The following CASK variants were observed in gnomAD, a reference collection of about 807,000 sequenced individuals.
CASK encodes the protein peripheral plasma membrane protein CASK.
Under a neutral mutation model 82.9 loss-of-function variants are expected in CASK, and 4 were observed. The ratio of observed to expected loss-of-function variants is 0.05; its 90% confidence interval spans 0.02 to 0.11. The LOEUF is 0.11. CASK is among the 10% of genes least tolerant of loss of function. The probability of loss-of-function intolerance (pLI) is 1.00; values close to 1 mark genes in which losing one functional copy is unlikely to be tolerated. For missense variants in CASK, 358 were observed against 720.9 expected (o/e 0.50, Z 5.76); for synonymous variants, 259 against 253.5 (o/e 1.02, Z -0.20).
chrX:41,826,330 T>C (rs2070664180), intron 2 of CASK, among the ~76,000 whole-genome samples: 1 of 112,102 alleles, frequency 8.9e-6, no homozygotes, highest in East Asian at 2.8e-4. Context: ...AATATATTCT[T>C]AGACATTAAT....
chrX:41,688,179 C>CAA, intron 5 of CASK, among the ~76,000 whole-genome samples: 1 of 110,321 alleles, frequency 9.1e-6, no homozygotes, highest in Middle Eastern at 4.7e-3. Context: ...TTATAACAAA[C>CAA]AAAAAGCTCT....
intron 17 of CASK, among the ~76,000 whole-genome samples, 187 bp from the exon 18 acceptor site, chrX:41,560,034 G>A (rs1205759833): frequency 8.9e-6 from 1 of 111,916 alleles, no homozygotes; most frequent in Admixed American, 9.4e-5. Context: ...AAGTTCCTGG[G>A]AAAAGCCCAG....
At chrX:41,602,317 A>AT (rs775207602) in intron 12 of CASK, among the ~76,000 whole-genome samples, 6 of 110,696 alleles carry the variant, frequency 5.4e-5, no homozygotes, top group Non-Finnish European at 9.5e-5. Context: ...CAAATCCTAC[A>AT]TTTTTTTTGT....
At chrX:41,916,480 C>A (rs2072692096) in intron 1 of CASK, among the ~76,000 whole-genome samples, 1 of 111,646 alleles carries the variant, frequency 9.0e-6, no homozygotes, top group South Asian at 3.7e-4. Context: ...CTTCTAGAAT[C>A]TTCACTGTCA....
chrX:41,608,317 T>C (rs755996354), intron 12 of CASK, among the ~76,000 whole-genome samples: 1 of 112,363 alleles, frequency 8.9e-6, no homozygotes, highest in African/African-American at 3.2e-5. Context: ...GACTAAAGAA[T>C]GTAGCATTTC....
Position 41,632,656 on chromosome X carries a change from T to C in CASK, c.915+3922A>G, listed in dbSNP as rs2066488813. On this transcript the variant is annotated intron_variant, in intron 9 of 26. Transcript: ENST00000378163. ...TGGATAGTACAGCTTTATACAGTAT[T>C]AGAAAATGGCACTCCTAAACAAACC... is the stretch of plus-strand genomic sequence containing the variant. Among the ~76,000 whole-genome samples, 3 of 112,116 alleles carry C rather than the reference T, an allele frequency of 2.7e-5. No individual in the cohort carries two copies. The South Asian group carries it at 1.1e-3, about 41-fold the overall frequency.
chrX:41,822,137 T>A (rs2070556912), intron 2 of CASK, among the ~76,000 whole-genome samples: 1 of 112,732 alleles, frequency 8.9e-6, no homozygotes, highest in African/African-American at 3.2e-5. Context: ...AACATTAAAT[T>A]AAAATTAGAG....
chrX:41,563,378 A>AG (rs2065260443), intron 16 of CASK, among the ~76,000 whole-genome samples: 1 of 107,221 alleles, frequency 9.3e-6, no homozygotes, highest in African/African-American at 3.4e-5. Context: ...AAAAAAAAAA[A>AG]AAGACTGGAA....
At chrX:41,715,685 G>A (rs1342276683) in intron 5 of CASK, among the ~76,000 whole-genome samples, 1 of 111,160 alleles carries the variant, frequency 9.0e-6, no homozygotes, top group East Asian at 2.8e-4. Context: ...GACAACCCTG[G>A]GTGCTCCCTT....
At chrX:41,568,235 T>C (rs1376927030) in intron 16 of CASK, among the ~76,000 whole-genome samples, 1 of 105,213 alleles carries the variant, frequency 9.5e-6, no homozygotes, top group Non-Finnish European at 2.0e-5. Context: ...AGTTAAAGTA[T>C]AATAAAAAAC....
intron 1 of CASK, among the ~76,000 whole-genome samples, chrX:41,862,283 G>A (rs1219357780): frequency 9.0e-6 from 1 of 110,645 alleles, no homozygotes; most frequent in Non-Finnish European, 1.9e-5. Flanking sequence ...GCTCATGCCT[G>A]TAACTCCAGC....
chrX:41,862,218 T>C (rs1406032462), intron 1 of CASK, among the ~76,000 whole-genome samples: 1 of 109,979 alleles, frequency 9.1e-6, no homozygotes, highest in Non-Finnish European at 1.9e-5. Context: ...TGCAATGGCC[T>C]ACAGCCAAGT....
intron 5 of CASK, among the ~76,000 whole-genome samples, chrX:41,695,257 A>G: frequency 9.0e-6 from 1 of 111,214 alleles, no homozygotes; most frequent in East Asian, 2.8e-4. Flanking sequence ...CAGTAGGATA[A>G]AAGTAAAGTT....
chrX:41,744,225 G>A (rs2068645658), intron 4 of CASK, among the ~76,000 whole-genome samples: 2 of 111,266 alleles, frequency 1.8e-5, no homozygotes, highest in African/African-American at 6.5e-5. Flanking sequence ...GTATTAAAAA[G>A]GCAACCTACA....
chrX:41,606,329 G>A (rs915438973), intron 12 of CASK, among the ~76,000 whole-genome samples: 1 of 111,939 alleles, frequency 8.9e-6, no homozygotes, highest in South Asian at 3.7e-4. Context: ...GCAGTGGCAC[G>A]ATCTCGGCTC....
chrX:41,869,670 G>A (rs1017816408), intron 1 of CASK, among the ~76,000 whole-genome samples: 1 of 106,697 alleles, frequency 9.4e-6, no homozygotes. Context: ...AAAATTAGCT[G>A]GGTGCAGTGG....
intron 1 of CASK, among the ~76,000 whole-genome samples, chrX:41,909,615 GT>G (rs1336989590): frequency 1.4e-4 from 15 of 104,892 alleles, no homozygotes; most frequent in East Asian, 6.0e-4. Context: ...TTCTTGTTTT[GT>G]TTTTTTTTTT....
chrX:41,602,533 G>C (rs1433347264), intron 12 of CASK, among the ~76,000 whole-genome samples: 1 of 110,113 alleles, frequency 9.1e-6, no homozygotes, highest in Non-Finnish European at 1.9e-5. Context: ...AACAACTCTG[G>C]GAAAGGATGA....
At chrX:41,735,321 T>TC (rs2068476954) in intron 5 of CASK, among the ~76,000 whole-genome samples, 3 of 111,759 alleles carry the variant, frequency 2.7e-5, no homozygotes, top group Admixed American at 9.5e-5. Flanking sequence ...TCACTGAATA[T>TC]ATATCTGAAT....
Sources: gnomAD v4.1 joint callset for allele counts (sites outside exome capture counted in the v4.1 genomes callset) on GRCh38, gnomAD v4.1.1 for gene constraint, MANE v1.5 for transcripts, NCBI Gene and HGNC (gene_info 2026-07-23, HGNC 2026-07-21) for gene names.